Variants in TLN1 observed in about 807,000 individuals in gnomAD.
TLN1 encodes talin-1.
TLN1 carries 56 observed loss-of-function variants against 292.3 expected under a neutral mutation model. The observed-to-expected ratio is 0.19, with a 90% CI of 0.15 to 0.24. The LOEUF (loss-of-function observed/expected upper bound fraction) is 0.24, where lower values mean the gene tolerates loss of function less well. TLN1 is among the 10% of genes least tolerant of loss of function. The pLI is 1.00. For synonymous variants in TLN1, 1,119 were observed against 1,253.7 expected (o/e 0.89, Z 2.27); for missense variants, 2,433 against 3,248.2 (o/e 0.75, Z 6.10).
intron 48 of TLN1, among the ~76,000 whole-genome samples, chr9:35,701,513 C>A (rs947069732): frequency 6.6e-6 from 1 of 152,210 alleles, no homozygotes; most frequent in African/African-American, 2.4e-5. Context: ...TCAAGTGATC[C>A]TCCCATCTCA....
chr9:35,723,886 G>A lies in TLN1; in HGVS notation c.782+66C>T, dbSNP rs903608573. 1.9e-5 allele frequency: 31 copies of A among 1,595,972 alleles called. No individual in the cohort carries two copies. The African/African-American group carries it at 3.8e-4, about 20-fold the overall frequency. The stretch of plus-strand genomic sequence containing the variant: ...GGGGGCAGGCTTGGAATGGAGACAG[G>A]CCCACTGGGGTCACAATGGCAGGGA... On this transcript the variant is annotated intron_variant, in intron 7 of 56. Transcript: ENST00000314888.
At position 35,711,750 on chromosome 9, in the gene TLN1, A is replaced by G. The variant is rs1445295663; in HGVS notation, c.3724T>C (p.Leu1242=). Reference sequence around the variant, plus strand: ...TTCAGCCCAGCAGCAGCTTCATTCAACCGGCTCTGAGCTTCTTGAAATGTC... The same window carrying G: ...TTCAGCCCAGCAGCAGCTTCATTCAGCCGGCTCTGAGCTTCTTGAAATGTC... ...TGTFQEAQSR[L]NEAAAGLNQA... Residue 1242 remains leucine, a synonymous_variant, in exon 29 of 57, where the codon TTG becomes CTG. Coordinates refer to ENST00000314888, the MANE Select transcript of TLN1 (RefSeq NM_006289.4). The G allele has an allele frequency of 6.2e-7, 1 of 1,614,086 alleles. No homozygotes were observed. The highest frequency in any genetic ancestry group is 1.3e-5 in the African/African-American group (1 of 75,028).
intron 8 of TLN1, 29 bp from the exon 9 acceptor site, chr9:35,722,252 A>G (rs756366643): frequency 1.3e-6 from 2 of 1,586,252 alleles, no homozygotes; most frequent in Non-Finnish European, 1.7e-6. Flanking sequence ...AGAATTTAGC[A>G]AAGAGTTTCA....
chr9:35,712,769 C>T (rs779617079), intron 27 of TLN1, 66 bp downstream of exon 27: 1 of 1,437,056 alleles, frequency 7.0e-7, no homozygotes, highest in Non-Finnish European at 9.5e-7. Flanking sequence ...AAGCTTTGGC[C>T]TCAATCAGGG....
rs1237029924 is a variant in TLN1, at chr9:35,704,065, C to T, written c.6157G>A (p.Ala2053Thr). The T allele has an allele frequency of 6.2e-6, 10 of 1,613,840 alleles. No homozygotes were observed. Among genetic ancestry groups the T allele is most frequent in the Non-Finnish European group, 8.5e-6 (10 of 1,179,940 alleles). Reference sequence around the variant, plus strand: ...ACATCAGCGAGGCGGGTGATGGTCGCCACGGAGGACTGGGCAGCCTGCGCC... The same window carrying T: ...ACATCAGCGAGGCGGGTGATGGTCGTCACGGAGGACTGGGCAGCCTGCGCC... Reference protein sequence around the residue: ...KLAQAAQSSVATITRLADVVK... With the variant: ...KLAQAAQSSVTTITRLADVVK... The change falls in exon 46 of 57, where the codon GCG becomes ACG. Residue 2053 changes from alanine (A) to threonine (T), a missense_variant. Coordinates refer to ENST00000314888, the MANE Select transcript of TLN1 (RefSeq NM_006289.4). The surrounding 1 kb of genome is among the most constrained non-coding windows in gnomAD (Gnocchi z 6.9).
At chr9:35,705,383 C>T (rs1825546420) in intron 43 of TLN1, among the ~76,000 whole-genome samples, 168 bp downstream of exon 43, 1 of 152,168 alleles carries the variant, frequency 6.6e-6, no homozygotes, top group African/African-American at 2.4e-5. Flanking sequence ...TGACTGAAGG[C>T]TTTGATCCTC....
chr9:35,711,878 C>T (rs1239592552), intron 28 of TLN1, 86 bp from the exon 29 acceptor site: 7 of 1,599,296 alleles, frequency 4.4e-6, no homozygotes, highest in Middle Eastern at 1.7e-4. Context: ...AAGGTGGGCA[C>T]ATAGCCTGGG....
intron 1 of TLN1, among the ~76,000 whole-genome samples, chr9:35,726,052 A>G (rs546275462): frequency 3.3e-5 from 5 of 152,196 alleles, no homozygotes; most frequent in Middle Eastern, 6.8e-3. Flanking sequence ...AGCTGGGACT[A>G]CAGGCGCCCG....
chr9:35,721,778 A>C lies in TLN1; in HGVS notation c.974T>G (p.Leu325Arg). The change falls in exon 10 of 57, where the codon CTA becomes CGA. Residue 325 changes from leucine to arginine, a missense_variant. By Grantham distance (102) the Leu-to-Arg change is moderately radical. Transcript: ENST00000314888. Reference sequence around the variant, plus strand: ...GGTGATGCCCAGAAGCCTGGGCACTAGCTTGTTCTTCCCTTTCATTTTTTC... The same window carrying C: ...GGTGATGCCCAGAAGCCTGGGCACTCGCTTGTTCTTCCCTTTCATTTTTTC... ...VKEKMKGKNK[L>R]VPRLLGITKE... 1 of 1,612,030 alleles carries C rather than the reference A, an allele frequency of 6.2e-7. No homozygotes were observed. The highest frequency in any genetic ancestry group is 8.5e-7 in the Non-Finnish European group (1 of 1,178,182).
chr9:35,700,219 G>C lies in TLN1; in HGVS notation c.6632C>G (p.Ala2211Gly), dbSNP rs1171223488. ...VIATANLSRRAIADMLRACKE... is the reference protein window; with the variant it reads ...VIATANLSRRGIADMLRACKE... ...GCAAGCCCGAAGCATATCTGCAATA[G>C]CACGGCGGCTCAGATTGGCTGTGGC... The change falls in exon 49 of 57, where the codon GCT becomes GGT. Residue 2211 changes from alanine to glycine, a missense_variant. This residue lies in a region of TLN1 where 1,384 missense variants were observed against 1,699.6 expected (regional missense o/e 0.81). Coordinates refer to ENST00000314888, the MANE Select transcript of TLN1 (RefSeq NM_006289.4). 3 of 1,610,384 alleles carry C rather than the reference G, an allele frequency of 1.9e-6. No homozygotes were observed. The highest frequency in any genetic ancestry group is 2.5e-6 in the Non-Finnish European group (3 of 1,176,856).
At chr9:35,705,427 G>A (rs1369527462) in intron 43 of TLN1, 124 bp downstream of exon 43, 2 of 978,784 alleles carry the variant, frequency 2.0e-6, no homozygotes, top group African/African-American at 3.2e-5. Context: ...GTCTTCAGCA[G>A]AGTGGCCCTG....
chr9:35,707,217 T>A lies in TLN1; in HGVS notation c.4810A>T (p.Lys1604Ter). 6.2e-7 allele frequency: 1 copy of A among 1,605,616 alleles called. No homozygotes were observed. Among genetic ancestry groups the A allele is most frequent in the Non-Finnish European group, 8.5e-7 (1 of 1,175,376 alleles). Reference protein sequence around the residue: ...AAMEPIVISAKTMLESAGGLI... With the variant: ...AAMEPIVISA ...CCCCCGGCACTCTCTAACATTGTCT[T>A]GGCAGAGATCACAATGGGCTCCATG... The change falls in exon 37 of 57, where the codon AAG becomes TAG. Residue 1604 changes from lysine to a stop codon, truncating the protein, a stop_gained. Coordinates refer to ENST00000314888, the MANE Select transcript of TLN1 (RefSeq NM_006289.4). LOFTEE classifies it high-confidence loss of function. This position sits in a 1 kb window ranked among gnomAD's most constrained non-coding sequence, Gnocchi z 5.6.
rs750346471 is a variant in TLN1, at chr9:35,722,107, C to T, written c.948+12G>A. The T allele has an allele frequency of 6.2e-7, 1 of 1,611,132 alleles. No individual in the cohort carries two copies. Among genetic ancestry groups the T allele is most frequent in the Admixed American group, 1.7e-5 (1 of 60,008 alleles). On this transcript the variant is annotated intron_variant, in intron 9 of 56. Transcript: ENST00000314888. ...GAAACAAGGAGGGCAGTGAAAAGGG[C>T]CCATAACCTACCTTCACCAGGAAGA...
intron 48 of TLN1, among the ~76,000 whole-genome samples, chr9:35,701,217 G>T (rs970033294): frequency 6.6e-5 from 10 of 152,212 alleles, no homozygotes; most frequent in African/African-American, 2.4e-4. Flanking sequence ...CAGAAAGGAA[G>T]AGAGTAGGAT....
At position 35,706,061 on chromosome 9, in the gene TLN1, G is replaced by A. The variant is rs35017866; in HGVS notation, c.5412C>T (p.Thr1804=). ...TTGTTGTCAGGTCCTCTACGGCCTCGGTCATCATCTGCACAGCCTCCTCCA... is the reference window on the plus strand; with the variant it reads ...TTGTTGTCAGGTCCTCTACGGCCTCAGTCATCATCTGCACAGCCTCCTCCA... The part of the protein sequence containing the change: ...EALEEAVQMM[T]EAVEDLTTTL... The change falls in exon 41 of 57, where the codon ACC becomes ACT. Residue 1804 remains threonine, a synonymous_variant. Transcript: ENST00000314888. This position sits in a 1 kb window ranked among gnomAD's most constrained non-coding sequence, Gnocchi z 4.2. 0.019 allele frequency: 29,870 copies of A among 1,614,154 alleles called. 326 individuals carry two copies. The highest frequency in any genetic ancestry group is 0.021 in the Non-Finnish European group (24,709 of 1,180,018).
At position 35,706,058 on chromosome 9, in the gene TLN1, C is replaced by T. The variant is rs369415530; in HGVS notation, c.5415G>A (p.Glu1805=). 1.3e-5 allele frequency: 21 copies of T among 1,614,098 alleles called. No homozygotes were observed. The highest frequency in any genetic ancestry group is 1.6e-4 in the Middle Eastern group (1 of 6,084). ...ALEEAVQMMT[E]AVEDLTTTLN... ...GGGTTGTTGTCAGGTCCTCTACGGCCTCGGTCATCATCTGCACAGCCTCCT... is the reference window on the plus strand; with the variant it reads ...GGGTTGTTGTCAGGTCCTCTACGGCTTCGGTCATCATCTGCACAGCCTCCT... The change falls in exon 41 of 57, where the codon GAG becomes GAA. Residue 1805 remains glutamate (E), a synonymous_variant. Coordinates refer to ENST00000314888, the MANE Select transcript of TLN1 (RefSeq NM_006289.4). This position sits in a 1 kb window ranked among gnomAD's most constrained non-coding sequence, Gnocchi z 4.2.
At chr9:35,700,449 T>C (rs763281184) in intron 48 of TLN1, 73 bp from the exon 49 acceptor site, 36 of 1,456,352 alleles carry the variant, frequency 2.5e-5, no homozygotes, top group Non-Finnish European at 3.3e-5. Context: ...TCTGTGTGCA[T>C]GTGATTTGGT....
chr9:35,717,136 C>T lies in TLN1; in HGVS notation c.2458+10G>A, dbSNP rs1430866214. 7 of 1,585,794 alleles carry T rather than the reference C, an allele frequency of 4.4e-6. No homozygotes were observed. Among genetic ancestry groups the T allele is most frequent in the South Asian group, 2.2e-5 (2 of 88,984 alleles). ...AGGGTTTTTTGTTTTCCTGGGGGTG[C>T]GTGTCTTACCAGCATCACCCATGGA... On this transcript the variant is annotated intron_variant, in intron 19 of 56. Transcript: ENST00000314888. The surrounding 1 kb of genome is among the most constrained non-coding windows in gnomAD (Gnocchi z 4.7).
At position 35,707,533 on chromosome 9, in the gene TLN1, GGGGGTA is replaced by G; in HGVS notation, c.4633-51_4633-46del. On this transcript the variant is annotated intron_variant, in intron 35 of 56. Transcript: ENST00000314888. This position sits in a 1 kb window ranked among gnomAD's most constrained non-coding sequence, Gnocchi z 5.6. ...TCTCAGGACTTGGGATGCAGTCATA[GGGGGTA>G]TAGGAAGTGAAGTCCAGGTCTCCTT... is the stretch of plus-strand genomic sequence containing the variant. 1.2e-6 allele frequency: 2 copies of G among 1,605,414 alleles called. No individual in the cohort carries two copies.
Sources: gnomAD v4.1 joint callset for allele counts (sites outside exome capture counted in the v4.1 genomes callset) on GRCh38, gnomAD v4.1.1 for gene constraint, gnomAD v4.1.1 regional missense constraint, Gnocchi (gnomAD v3.1) non-coding constraint, MANE v1.5 for transcripts, NCBI Gene and HGNC (gene_info 2026-07-23, HGNC 2026-07-21) for gene names.